Variants in MAP4 observed in about 807,000 individuals in gnomAD.
MAP4 encodes microtubule-associated protein 4.
MAP4 carries 76 observed loss-of-function variants against 170.2 expected under a neutral mutation model. The observed-to-expected ratio is 0.45, with a 90% CI of 0.37 to 0.54. The LOEUF (loss-of-function observed/expected upper bound fraction) is 0.54. Among genes scored for constraint, MAP4 ranks in the 20% least tolerant of loss-of-function variants. The pLI is 0.00. For missense variants in MAP4, 2,506 were observed against 2,748.0 expected, an observed-to-expected ratio of 0.91 and a Z score of 1.97; for synonymous variants, 909 against 994.5, an observed-to-expected ratio of 0.91 and a Z score of 1.62.
chr3:47,866,623 G>A (rs1354051789), intron 17 of MAP4, among the ~76,000 whole-genome samples: 2 of 151,568 alleles, frequency 1.3e-5, no homozygotes, highest in Admixed American at 6.6e-5. Flanking sequence ...GCATGGTGGC[G>A]AGTACCTGCA....
intron 1 of MAP4, among the ~76,000 whole-genome samples, chr3:48,071,918 T>TA (rs2100141210): frequency 6.6e-6 from 1 of 150,914 alleles, no homozygotes; most frequent in African/African-American, 2.4e-5. Flanking sequence ...AAATAAAAAA[T>TA]AAAAATAAAT....
intron 2 of MAP4, among the ~76,000 whole-genome samples, chr3:47,994,780 T>C (rs1040009231): frequency 2.0e-5 from 3 of 152,034 alleles, no homozygotes; most frequent in Non-Finnish European, 4.4e-5. Context: ...CGAAACCCCA[T>C]CTCTACTAAA....
chr3:48,078,858 A>T (rs779801246), intron 1 of MAP4, among the ~76,000 whole-genome samples: 4 of 152,182 alleles, frequency 2.6e-5, no homozygotes, highest in Non-Finnish European at 5.9e-5. Context: ...TTATATGCTG[A>T]GCATCCCAAA....
intron 1 of MAP4, among the ~76,000 whole-genome samples, chr3:48,051,231 G>T (rs1193102278): frequency 6.6e-6 from 1 of 151,864 alleles, no homozygotes; most frequent in East Asian, 1.9e-4. Context: ...TGGGCAACAT[G>T]GCAAAACCCC....
chr3:47,912,524 A>G, intron 8 of MAP4, 103 bp from the exon 9 acceptor site: 1 of 1,070,606 alleles, frequency 9.3e-7, no homozygotes, highest in Non-Finnish European at 1.3e-6. Context: ...TAATTTAAGG[A>G]GGCTATTTTC....
intron 10 of MAP4, among the ~76,000 whole-genome samples, chr3:47,881,989 CT>C (rs753946988): frequency 1.3e-5 from 2 of 152,146 alleles, no homozygotes; most frequent in Non-Finnish European, 2.9e-5. Context: ...AAAATAATTC[CT>C]GATGGCCAGG....
intron 3 of MAP4, among the ~76,000 whole-genome samples, chr3:47,951,095 C>T (rs1380366121): frequency 1.3e-5 from 2 of 152,088 alleles, no homozygotes; most frequent in Admixed American, 1.3e-4. Context: ...TTATAAACTG[C>T]TTTAATTTAT....
intron 5 of MAP4, among the ~76,000 whole-genome samples, chr3:47,920,341 A>T (rs912136682): frequency 2.0e-5 from 3 of 152,114 alleles, no homozygotes; most frequent in Admixed American, 6.5e-5. Flanking sequence ...TCCTGACCTC[A>T]GGTGATCTGC....
At chr3:48,056,945 GC>G (rs1347203246) in intron 1 of MAP4, among the ~76,000 whole-genome samples, 57 of 128,586 alleles carry the variant, frequency 4.4e-4, no homozygotes, top group African/African-American at 1.6e-3. Context: ...GGGGGGTTCA[GC>G]CCCCCGCCCG....
chr3:47,910,714 T>C lies in MAP4; in HGVS notation c.3707A>G (p.Glu1236Gly). Residue 1236 changes from glutamate to glycine, a missense_variant, in exon 9 of 21, where the codon GAA (glutamate) becomes GGA (glycine). Coordinates refer to ENST00000683076, the MANE Select transcript of MAP4 (RefSeq NM_001385682.1). Reference protein sequence around the residue: ...STQPARMERKEEILNPPFEGK... With the variant: ...STQPARMERKGEILNPPFEGK... Reference sequence around the variant, plus strand: ...TTCAAAAGGTGGGTTAAGGATTTCTTCCTTCCTCTCCATTCTAGCAGGCTG... The same window carrying C: ...TTCAAAAGGTGGGTTAAGGATTTCTCCCTTCCTCTCCATTCTAGCAGGCTG... The C allele has an allele frequency of 6.5e-7, 1 of 1,536,136 alleles. No individual in the cohort carries two copies. Among genetic ancestry groups the C allele is most frequent in the East Asian group, 2.4e-5 (1 of 40,920 alleles).
rs1578993006 is a variant in MAP4 at position 47,995,290 on chromosome 3, G to A, written c.223+3348C>T. ...TTTTGAGACAGAGTCTCGTTCTCTC[G>A]CCCAGGCTGGAGTGCAGTGGCACGC... On this transcript the variant is annotated intron_variant, in intron 2 of 20. Transcript: ENST00000683076. Among the ~76,000 whole-genome samples, 7 of 126,118 alleles carry A rather than the reference G, an allele frequency of 5.6e-5. No individual in the cohort carries two copies. In the South Asian group the frequency reaches 1.4e-3, roughly 26 times the overall value. 82.7% of individuals were successfully genotyped at this position (126,118 alleles called of 152,430 possible). A position where few individuals can be genotyped will look rare whatever the true frequency, so the allele number is the denominator to read the frequency against.
At position 47,875,682 on chromosome 3, in the gene MAP4, T is replaced by C; in HGVS notation, c.5757+3A>G. 1 of 1,611,710 alleles carries C rather than the reference T, an allele frequency of 6.2e-7. No homozygotes were observed. Among genetic ancestry groups the C allele is most frequent in the African/African-American group, 1.3e-5 (1 of 74,964 alleles). ...TCGGCACAGTAGTTAGGTGACCACT[T>C]ACCTTTGGCTTCACGTCTTTTGAAG... On this transcript the variant is annotated splice_donor_region_variant and intron_variant, in intron 12 of 20. Coordinates refer to ENST00000683076, the MANE Select transcript of MAP4 (RefSeq NM_001385682.1).
In MAP4 at chr3:47,910,082, T is replaced by G. The variant is rs770095047; in HGVS notation, c.4339A>C (p.Thr1447Pro). Residue 1447 changes from threonine (T) to proline (P), a missense_variant, in exon 9 of 21, where the codon ACT becomes CCT. Coordinates refer to ENST00000683076, the MANE Select transcript of MAP4 (RefSeq NM_001385682.1). ...TCACCTTCCTTTACTACTTGAGGAG[T>G]AGGAGTGGGCAGTTTTTCACAGGCT... The part of the protein sequence containing the change: ...SAACEKLPTP[T>P]PQVVKEGDSF... 1.2e-6 allele frequency: 2 copies of G among 1,613,922 alleles called. No individual in the cohort carries two copies. Among genetic ancestry groups the G allele is most frequent in the South Asian group, 2.2e-5 (2 of 91,074 alleles).
chr3:47,929,656 A>AAAAAAAAAAAAAAAC (rs2100048263), intron 3 of MAP4, among the ~76,000 whole-genome samples: 1 of 136,238 alleles, frequency 7.3e-6, no homozygotes, highest in African/African-American at 2.8e-5. Context: ...AAAAAAAAAA[A>AAAAAAAAAAAAAAAC]AGACAAGACA....
At chr3:47,940,879 A>AT (rs2154001485) in intron 3 of MAP4, among the ~76,000 whole-genome samples, 1 of 151,698 alleles carries the variant, frequency 6.6e-6, no homozygotes, top group Non-Finnish European at 1.5e-5. Flanking sequence ...GACCAGGAAT[A>AT]TTTTTTTCAT....
chr3:47,970,774 G>A (rs1259584637), intron 3 of MAP4, among the ~76,000 whole-genome samples: 2 of 152,118 alleles, frequency 1.3e-5, no homozygotes, highest in Admixed American at 1.3e-4. Flanking sequence ...CTAAGATCGT[G>A]CCATTGCATT....
chr3:48,005,504 A>G (rs1559778462), intron 1 of MAP4, among the ~76,000 whole-genome samples: 1 of 152,230 alleles, frequency 6.6e-6, no homozygotes, highest in African/African-American at 2.4e-5. Context: ...CCCACTAAGT[A>G]GGGACTCTGC....
intron 3 of MAP4, among the ~76,000 whole-genome samples, chr3:47,928,690 T>C (rs1577780656): frequency 6.6e-6 from 1 of 151,634 alleles, no homozygotes; most frequent in African/African-American, 2.4e-5. Context: ...TAGAAGGAAA[T>C]AAAGTAGGTC....
At chr3:47,865,977 G>T (rs949333791) in intron 17 of MAP4, among the ~76,000 whole-genome samples, 1 of 152,174 alleles carries the variant, frequency 6.6e-6, no homozygotes, top group Non-Finnish European at 1.5e-5. Context: ...ACATCATAGA[G>T]CTGGCACACA....
Sources: gnomAD v4.1 joint callset for allele counts (sites outside exome capture counted in the v4.1 genomes callset) on GRCh38, gnomAD v4.1.1 for gene constraint, MANE v1.5 for transcripts, NCBI Gene and HGNC (gene_info 2026-07-23, HGNC 2026-07-21) for gene names.